DSCAM: variants seen among roughly 807,000 people sequenced by gnomAD.
DSCAM encodes the protein DS cell adhesion molecule.
DSCAM carries 47 observed loss-of-function variants against 217.7 expected under a neutral mutation model. The ratio of observed to expected loss-of-function variants is 0.22; its 90% CI spans 0.17 to 0.28. The LOEUF (loss-of-function observed/expected upper bound fraction) is 0.28. Among genes scored for constraint, DSCAM ranks in the 10% least tolerant of loss-of-function variants. The pLI, the probability that DSCAM is intolerant of heterozygous loss-of-function variation, is 1.00. For missense variants in DSCAM, 2,080 were observed against 2,618.3 expected (o/e 0.79, Z 4.49); for synonymous variants, 1,056 against 1,015.3 (o/e 1.04, Z -0.76).
chr21:40,491,746 C>T (rs1261796309), intron 3 of DSCAM, among the ~76,000 whole-genome samples: 2 of 152,164 alleles, frequency 1.3e-5, no homozygotes, highest in African/African-American at 4.8e-5. Context: ...GCTTCTCTCT[C>T]TGCCTGAAAA....
intron 10 of DSCAM, among the ~76,000 whole-genome samples, chr21:40,291,307 C>T (rs1430604615): frequency 1.3e-5 from 2 of 152,222 alleles, no homozygotes; most frequent in Non-Finnish European, 2.9e-5. Context: ...CAGTGTGATC[C>T]TTTTAAAGCA....
At chr21:40,533,663 A>T (rs1480219043) in intron 3 of DSCAM, among the ~76,000 whole-genome samples, 2 of 126,320 alleles carry the variant, frequency 1.6e-5, no homozygotes, top group Admixed American at 1.5e-4. Flanking sequence ...CCATCCATCC[A>T]TTCATCCATC....
At chr21:40,281,499 T>G in intron 10 of DSCAM, among the ~76,000 whole-genome samples, 1 of 152,318 alleles carries the variant, frequency 6.6e-6, no homozygotes, top group Admixed American at 6.5e-5. Flanking sequence ...ATCTGTATGC[T>G]TAATTCAGGG....
intron 7 of DSCAM, among the ~76,000 whole-genome samples, chr21:40,338,838 G>T (rs2074456451): frequency 6.6e-6 from 1 of 152,196 alleles, no homozygotes; most frequent in Non-Finnish European, 1.5e-5. Context: ...GAACCGAAGA[G>T]AAGGAGAAGG....
intron 11 of DSCAM, among the ~76,000 whole-genome samples, chr21:40,202,040 C>T (rs1477619375): frequency 6.6e-6 from 1 of 152,112 alleles, no homozygotes; most frequent in Non-Finnish European, 1.5e-5. Context: ...ACTTGGGTGC[C>T]CCAGTTCTCT....
intron 1 of DSCAM, among the ~76,000 whole-genome samples, chr21:40,719,500 G>A (rs910113564): frequency 1.3e-5 from 2 of 152,064 alleles, no homozygotes; most frequent in Non-Finnish European, 2.9e-5. Flanking sequence ...AATACACGCT[G>A]GAATATCTAC....
At chr21:40,710,270 A>G (rs2090765211) in intron 1 of DSCAM, among the ~76,000 whole-genome samples, 1 of 145,242 alleles carries the variant, frequency 6.9e-6, no homozygotes, top group South Asian at 2.1e-4. Flanking sequence ...AATCAACAAT[A>G]CACTTTTATT....
intron 3 of DSCAM, among the ~76,000 whole-genome samples, chr21:40,410,327 C>T (rs945227460): frequency 6.6e-6 from 1 of 151,146 alleles, no homozygotes; most frequent in African/African-American, 2.4e-5. Flanking sequence ...AGAAAAAGAA[C>T]CAGATAAAAA....
At chr21:40,231,504 T>G (rs957628317) in intron 11 of DSCAM, among the ~76,000 whole-genome samples, 2 of 151,984 alleles carry the variant, frequency 1.3e-5, no homozygotes, top group African/African-American at 4.8e-5. Context: ...AGGCTTTTCT[T>G]TTATTTCTTT....
intron 3 of DSCAM, chr21:40,385,338 T>C (rs886534428): frequency 6.6e-6 from 1 of 152,200 alleles, no homozygotes; most frequent in Non-Finnish European, 1.5e-5. Context: ...CAATAAAAGC[T>C]CCATCAAGCA....
intron 3 of DSCAM, among the ~76,000 whole-genome samples, chr21:40,390,454 C>T (rs1026690120): frequency 3.9e-5 from 6 of 152,174 alleles, no homozygotes; most frequent in Admixed American, 6.5e-5. Context: ...CACCCTATTC[C>T]GTGCTGTGCT....
chr21:40,487,017 C>G (rs1321130053), intron 3 of DSCAM, among the ~76,000 whole-genome samples: 1 of 152,036 alleles, frequency 6.6e-6, no homozygotes, highest in African/African-American at 2.4e-5. Context: ...CTGGGAGCAC[C>G]AGGTAAGCAG....
chr21:40,328,260 T>A (rs1601554785), intron 8 of DSCAM, among the ~76,000 whole-genome samples: 1 of 152,132 alleles, frequency 6.6e-6, no homozygotes, highest in Non-Finnish European at 1.5e-5. Flanking sequence ...TGAGCTATAA[T>A]AACCAAACAG....
chr21:40,289,868 C>G (rs113942428), intron 10 of DSCAM, among the ~76,000 whole-genome samples: 2 of 152,020 alleles, frequency 1.3e-5, no homozygotes, highest in Non-Finnish European at 2.9e-5. Flanking sequence ...CCAGGTATTA[C>G]GACTTAGATG....
intron 1 of DSCAM, among the ~76,000 whole-genome samples, chr21:40,812,064 T>TA (rs1273485770): frequency 1.3e-5 from 2 of 152,172 alleles, no homozygotes; most frequent in African/African-American, 4.8e-5. Context: ...GGAGAAGGCA[T>TA]AGAGGTTTAC....
chr21:40,714,687 G>A (rs2090822123), intron 1 of DSCAM, among the ~76,000 whole-genome samples: 1 of 152,188 alleles, frequency 6.6e-6, no homozygotes, highest in African/African-American at 2.4e-5. Context: ...TCATGCCTGA[G>A]TCTCACTCAT....
intron 3 of DSCAM, among the ~76,000 whole-genome samples, chr21:40,500,463 A>C (rs2076162329): frequency 6.6e-6 from 1 of 152,140 alleles, no homozygotes; most frequent in Non-Finnish European, 1.5e-5. Context: ...GACCAGCAAG[A>C]CCTCACTATT....
intron 1 of DSCAM, among the ~76,000 whole-genome samples, chr21:40,841,747 C>A (rs1307662433): frequency 6.6e-6 from 1 of 152,192 alleles, no homozygotes; most frequent in Non-Finnish European, 1.5e-5. Flanking sequence ...ACCTCCGAGG[C>A]GCGCGCCACG....
At chr21:40,580,863 A>G (rs886368008) in intron 3 of DSCAM, among the ~76,000 whole-genome samples, 16 of 152,234 alleles carry the variant, frequency 1.1e-4, no homozygotes, top group Non-Finnish European at 2.1e-4. Flanking sequence ...TATGGTGTTT[A>G]TTAGAAAGAA....
Sources: gnomAD v4.1 joint callset for allele counts (sites outside exome capture counted in the v4.1 genomes callset) on GRCh38, gnomAD v4.1.1 for gene constraint, MANE v1.5 for transcripts, NCBI Gene and HGNC (gene_info 2026-07-23, HGNC 2026-07-21) for gene names.